Variants in ARHGEF3 observed in about 807,000 individuals in gnomAD.
ARHGEF3 encodes Rho guanine nucleotide exchange factor 3, also known as 59.8 kDA protein.
In ARHGEF3, 28 loss-of-function variants were observed where a neutral mutation model predicts 63.2. That is an observed-to-expected ratio of 0.44 (90% CI 0.33 to 0.61). The LOEUF is 0.61. Among genes scored for constraint, ARHGEF3 ranks in the 20% least tolerant of loss-of-function variants. The pLI is 0.03. For synonymous variants in ARHGEF3, 266 were observed against 254.2 expected, an observed-to-expected ratio of 1.05 and a Z score of -0.44; for missense variants, 533 against 659.3, an observed-to-expected ratio of 0.81 and a Z score of 2.10.
chr3:56,781,515 G>T, intron 1 of ARHGEF3, among the ~76,000 whole-genome samples: 1 of 152,022 alleles, frequency 6.6e-6, no homozygotes, highest in East Asian at 1.9e-4. Flanking sequence ...CAAAGTGCTG[G>T]GATTACAGGT....
chr3:56,881,528 G>T lies in ARHGEF3; in HGVS notation c.192+764C>A, dbSNP rs552731324. ...ACGGTGGCCACACAAAGAAAGCTAT[G>T]AAATTAAGTATCCAAGGACATGTTC... On this transcript the variant is annotated intron_variant, in intron 4 of 12. Coordinates refer to the ARHGEF3 transcript ENST00000338458. 5.4e-4 allele frequency among the ~76,000 whole-genome samples: 82 copies of T among 152,160 alleles called. No individual in the cohort carries two copies. In the South Asian group the frequency reaches 0.016, roughly 30 times the overall value.
At chr3:57,061,977 C>T (rs980121283) in intron 1 of ARHGEF3, among the ~76,000 whole-genome samples, 1 of 152,282 alleles carries the variant, frequency 6.6e-6, no homozygotes, top group African/African-American at 2.4e-5. Context: ...CAAGCATTTT[C>T]TGCCCTGAAT....
At chr3:56,754,869 C>G in intron 3 of ARHGEF3, 112 bp downstream of exon 3, 1 of 1,412,000 alleles carries the variant, frequency 7.1e-7, no homozygotes, top group Non-Finnish European at 9.7e-7. Context: ...TATCCTTCTG[C>G]AAACGCAATG....
chr3:56,991,762 A>G (rs1484422048), intron 2 of ARHGEF3, among the ~76,000 whole-genome samples: 1 of 152,084 alleles, frequency 6.6e-6, no homozygotes, highest in Non-Finnish European at 1.5e-5. Context: ...TTACAGGGGC[A>G]TGCCACCACG....
At chr3:57,022,548 G>C (rs1703302301) in intron 2 of ARHGEF3, among the ~76,000 whole-genome samples, 1 of 152,028 alleles carries the variant, frequency 6.6e-6, no homozygotes, top group African/African-American at 2.4e-5. Context: ...ATTCCTTCTT[G>C]TGCTCTGCCA....
intron 1 of ARHGEF3, among the ~76,000 whole-genome samples, chr3:56,800,817 C>T (rs2037610643): frequency 6.6e-6 from 1 of 152,182 alleles, no homozygotes; most frequent in Non-Finnish European, 1.5e-5. Flanking sequence ...CTGTGGGTTC[C>T]ACCGCAGCTT....
intron 1 of ARHGEF3, among the ~76,000 whole-genome samples, chr3:57,039,090 TC>T (rs144272571): frequency 0.021 from 3,271 of 152,242 alleles, 111 homozygotes; most frequent in African/African-American, 0.073. Flanking sequence ...CATCAGTATT[TC>T]CCATCCCAGT....
At chr3:56,967,485 T>TAC in intron 2 of ARHGEF3, among the ~76,000 whole-genome samples, 7 of 89,702 alleles carry the variant, frequency 7.8e-5, no homozygotes, top group South Asian at 3.2e-4. Context: ...TATTATATAA[T>TAC]ATATTAAATA....
chr3:56,985,335 C>T (rs993768453), intron 2 of ARHGEF3, among the ~76,000 whole-genome samples: 2 of 152,244 alleles, frequency 1.3e-5, no homozygotes, highest in Non-Finnish European at 2.9e-5. Context: ...GCGATCTGCC[C>T]GCCTCGGCCT....
At chr3:56,888,060 A>G (rs922005746) in intron 3 of ARHGEF3, among the ~76,000 whole-genome samples, 2 of 151,988 alleles carry the variant, frequency 1.3e-5, no homozygotes, top group Non-Finnish European at 2.9e-5. Context: ...TTGGAGAAAA[A>G]ACCTGCCCAT....
chr3:57,014,516 G>A (rs1205780140), intron 2 of ARHGEF3, among the ~76,000 whole-genome samples: 1 of 151,872 alleles, frequency 6.6e-6, no homozygotes, highest in East Asian at 1.9e-4. Context: ...AATGCAAGAA[G>A]GAAATTTCTC....
At chr3:57,033,864 G>A (rs987157920) in intron 2 of ARHGEF3, among the ~76,000 whole-genome samples, 3 of 152,040 alleles carry the variant, frequency 2.0e-5, no homozygotes, top group African/African-American at 7.2e-5. Context: ...GGCCAACATA[G>A]TGAAACTTCA....
At chr3:56,758,284 G>GA (rs1176698699) in intron 2 of ARHGEF3, among the ~76,000 whole-genome samples, 314 of 137,422 alleles carry the variant, frequency 2.3e-3, no homozygotes, top group South Asian at 7.4e-3. Context: ...CCCTCTAAAG[G>GA]AAAAAAAAAA....
chr3:57,018,401 C>T (rs777494348), intron 2 of ARHGEF3, among the ~76,000 whole-genome samples: 1 of 151,994 alleles, frequency 6.6e-6, no homozygotes, highest in Non-Finnish European at 1.5e-5. Flanking sequence ...GTGTTGTTTG[C>T]ATTATCTCAT....
intron 1 of ARHGEF3, chr3:56,775,783 C>T (rs1334179124): frequency 6.7e-6 from 3 of 444,740 alleles, no homozygotes; most frequent in African/African-American, 2.9e-5. Flanking sequence ...TGAATACACA[C>T]ACACACACAC....
intron 2 of ARHGEF3, among the ~76,000 whole-genome samples, chr3:56,761,676 T>C (rs952404410): frequency 6.6e-6 from 1 of 152,174 alleles, no homozygotes; most frequent in African/African-American, 2.4e-5. Flanking sequence ...GCCCTGCTTA[T>C]CTGAGAGGTA....
intron 1 of ARHGEF3, among the ~76,000 whole-genome samples, chr3:56,788,346 T>A (rs1214558841): frequency 2.0e-5 from 3 of 152,182 alleles, no homozygotes; most frequent in African/African-American, 7.2e-5. Flanking sequence ...CGTATTGTCG[T>A]GTTGTTAATG....
At chr3:56,848,703 G>C (rs1314508588) in intron 4 of ARHGEF3, among the ~76,000 whole-genome samples, 1 of 152,174 alleles carries the variant, frequency 6.6e-6, no homozygotes. Context: ...TCTTGCTCTT[G>C]TTGTCCAGGC....
chr3:56,807,047 C>A (rs1340263239), intron 4 of ARHGEF3, among the ~76,000 whole-genome samples: 1 of 152,040 alleles, frequency 6.6e-6, no homozygotes, highest in East Asian at 1.9e-4. Flanking sequence ...CCACGCCCGG[C>A]TAATTTTTTG....
Sources: gnomAD v4.1 joint callset for allele counts (sites outside exome capture counted in the v4.1 genomes callset) on GRCh38, gnomAD v4.1.1 for gene constraint, MANE v1.5 for transcripts, NCBI Gene and HGNC (gene_info 2026-07-23, HGNC 2026-07-21) for gene names.